Variants in UBE2R2 observed in about 807,000 individuals in gnomAD.
UBE2R2 encodes ubiquitin-conjugating enzyme E2 R2.
UBE2R2 carries 1 observed loss-of-function variant against 27.8 expected under a neutral mutation model. The observed-to-expected ratio is 0.04, with a 90% CI of 0.01 to 0.17. The LOEUF (loss-of-function observed/expected upper bound fraction) is 0.17. Ranked by LOEUF, UBE2R2 falls within the 10% of genes least tolerant of loss-of-function variation. The pLI is 1.00. For synonymous variants in UBE2R2, 106 were observed against 113.3 expected, an observed-to-expected ratio of 0.94 and a Z score of 0.41; for missense variants, 100 against 291.0, an observed-to-expected ratio of 0.34 and a Z score of 4.78.
At chr9:33,828,076 G>A (rs1321108625) in intron 1 of UBE2R2, among the ~76,000 whole-genome samples, 1 of 151,674 alleles carries the variant, frequency 6.6e-6, no homozygotes, top group Non-Finnish European at 1.5e-5. Flanking sequence ...GCTGAGGCTG[G>A]CGGCTCACCT....
chr9:33,881,299 G>A (rs1168408404), intron 1 of UBE2R2, among the ~76,000 whole-genome samples: 3 of 152,118 alleles, frequency 2.0e-5, no homozygotes, highest in African/African-American at 7.2e-5. Flanking sequence ...CTGCACTAAT[G>A]TATTAATTAA....
chr9:33,912,532 G>T (rs539599221), intron 4 of UBE2R2, among the ~76,000 whole-genome samples: 8 of 151,956 alleles, frequency 5.3e-5, no homozygotes, highest in Non-Finnish European at 1.0e-4. Flanking sequence ...GCTGAGGCAG[G>T]AGAATTGCTT....
chr9:33,891,274 C>T (rs1376985885), intron 2 of UBE2R2, among the ~76,000 whole-genome samples: 5 of 151,734 alleles, frequency 3.3e-5, no homozygotes, highest in African/African-American at 7.2e-5. Flanking sequence ...CTTCTGACTT[C>T]GTGATCCACC....
At chr9:33,877,694 T>C (rs1257144009) in intron 1 of UBE2R2, among the ~76,000 whole-genome samples, 1 of 152,158 alleles carries the variant, frequency 6.6e-6, no homozygotes, top group Admixed American at 6.6e-5. Flanking sequence ...TTTCCAGTTG[T>C]CTTATCTAAA....
intron 3 of UBE2R2, among the ~76,000 whole-genome samples, chr9:33,900,761 G>A (rs113949586): frequency 6.4e-4 from 97 of 152,160 alleles, no homozygotes; most frequent in African/African-American, 2.3e-3. Flanking sequence ...TAGAGATGGG[G>A]TCTCACTAAG....
At chr9:33,898,825 C>T (rs62555930) in intron 2 of UBE2R2, among the ~76,000 whole-genome samples, 3,231 of 152,264 alleles carry the variant, frequency 0.021, 53 homozygotes, top group Non-Finnish European at 0.034. Context: ...AGGCTAAGTC[C>T]AAGAGATAAG....
intron 4 of UBE2R2, among the ~76,000 whole-genome samples, chr9:33,912,519 G>A (rs149801314): frequency 3.1e-3 from 474 of 152,040 alleles, no homozygotes; most frequent in Admixed American, 6.3e-3. Context: ...AGCTACTCAG[G>A]AGGCTGAGGC....
chr9:33,850,148 G>A (rs1399961758), intron 1 of UBE2R2, among the ~76,000 whole-genome samples: 4 of 152,066 alleles, frequency 2.6e-5, no homozygotes, highest in Non-Finnish European at 4.4e-5. Flanking sequence ...AGAGAAGTAC[G>A]TGGGGCATGG....
rs535710938 is a variant in UBE2R2, at chr9:33,818,186, G to A, written c.177+252G>A. Among the ~76,000 whole-genome samples, 16 of 152,212 alleles carry A rather than the reference G, an allele frequency of 1.1e-4. No individual in the cohort carries two copies. In the East Asian group the frequency reaches 2.9e-3, roughly 28 times the overall value. On this transcript the variant is annotated intron_variant, in intron 1 of 4. Transcript: ENST00000263228. ...ACCGGGAAATCGGAGAGCCTCTCTGGTTAGGGTAGTGTCTACGGGCGGAGG... is the reference window on the plus strand; with the variant it reads ...ACCGGGAAATCGGAGAGCCTCTCTGATTAGGGTAGTGTCTACGGGCGGAGG...
intron 3 of UBE2R2, among the ~76,000 whole-genome samples, chr9:33,910,590 A>G (rs1822461968): frequency 6.6e-6 from 1 of 152,212 alleles, no homozygotes; most frequent in African/African-American, 2.4e-5. Context: ...CTTGCTCACC[A>G]TTGTACATCC....
chr9:33,849,581 TG>T (rs1398451477), intron 1 of UBE2R2, among the ~76,000 whole-genome samples: 2 of 150,916 alleles, frequency 1.3e-5, no homozygotes, highest in Non-Finnish European at 3.0e-5. Context: ...ATCAAGAGTA[TG>T]GATGGACGCC....
intron 1 of UBE2R2, among the ~76,000 whole-genome samples, chr9:33,875,375 T>C (rs902279071): frequency 3.3e-5 from 5 of 152,190 alleles, no homozygotes; most frequent in African/African-American, 1.2e-4. Context: ...TTACTTCTTG[T>C]GGAAAATACT....
upstream of UBE2R2, among the ~76,000 whole-genome samples, chr9:33,817,062 AG>A (rs1267055987): frequency 3.7e-4 from 27 of 72,560 alleles, no homozygotes; most frequent in African/African-American, 1.4e-3. Context: ...GAGGGGAGGG[AG>A]GGGCACGCGC....
chr9:33,837,121 C>A (rs953588715), intron 1 of UBE2R2, among the ~76,000 whole-genome samples: 1 of 152,122 alleles, frequency 6.6e-6, no homozygotes, highest in Non-Finnish European at 1.5e-5. Context: ...ATATTTTCTC[C>A]TCTATGTTTT....
intron 2 of UBE2R2, among the ~76,000 whole-genome samples, chr9:33,898,077 C>T (rs1037044700): frequency 6.7e-6 from 1 of 149,916 alleles, no homozygotes; most frequent in Non-Finnish European, 1.5e-5. Flanking sequence ...GCCCGGCTCT[C>T]TTCTTTTTGT....
intron 1 of UBE2R2, among the ~76,000 whole-genome samples, chr9:33,834,964 T>C (rs1820584562): frequency 6.6e-6 from 1 of 151,180 alleles, no homozygotes; most frequent in South Asian, 2.1e-4. Context: ...GATAAACAAA[T>C]AGAAAAAGAG....
intron 1 of UBE2R2, among the ~76,000 whole-genome samples, chr9:33,866,242 CTTT>C (rs777392325): frequency 6.9e-6 from 1 of 144,848 alleles, no homozygotes; most frequent in Non-Finnish European, 1.5e-5. Context: ...ATGTAATTAA[CTTT>C]TTTTTTTTTT....
chr9:33,900,931 C>CTG (rs755156968), intron 3 of UBE2R2, among the ~76,000 whole-genome samples: 18 of 152,094 alleles, frequency 1.2e-4, no homozygotes, highest in Non-Finnish European at 2.5e-4. Flanking sequence ...GTCTCTGTCT[C>CTG]TCTCTCTCTC....
At chr9:33,833,803 C>T (rs1820551343) in intron 1 of UBE2R2, among the ~76,000 whole-genome samples, 1 of 152,156 alleles carries the variant, frequency 6.6e-6, no homozygotes, top group African/African-American at 2.4e-5. Context: ...AATTTTTCCC[C>T]CTTGCCTTCA....
Sources: allele counts gnomAD v4.1 joint callset (sites outside exome capture counted in the v4.1 genomes callset), GRCh38; gene constraint gnomAD v4.1.1; transcripts MANE v1.5; gene names NCBI Gene and HGNC (gene_info 2026-07-23, HGNC 2026-07-21).